UTS2B: variants seen among roughly 807,000 people sequenced by gnomAD.
UTS2B encodes urotensin-2B.
In UTS2B, 21 loss-of-function variants were observed where a neutral mutation model predicts 19.2. That is an observed-to-expected ratio of 1.09 (90% CI 0.78 to 1.58). UTS2B has a LOEUF of 1.58. Among genes scored for constraint, UTS2B ranks in the 40% most tolerant of loss-of-function variants. The probability of loss-of-function intolerance (pLI) is 0.00; values close to 1 mark genes in which losing one functional copy is unlikely to be tolerated. For missense variants in UTS2B, 138 were observed against 130.3 expected (o/e 1.06, Z -0.29); for synonymous variants, 57 against 50.2 (o/e 1.14, Z -0.58).
chr3:191,329,417 T>G, intron 1 of UTS2B: 23 of 396,332 alleles, frequency 5.8e-5, no homozygotes, highest in East Asian at 1.4e-4. Context: ...GGATATTTGG[T>G]ATCGATTGGG....
chr3:191,295,602 G>T (rs895002670), intron 4 of UTS2B, among the ~76,000 whole-genome samples: 2 of 151,754 alleles, frequency 1.3e-5, no homozygotes, highest in East Asian at 1.9e-4. Flanking sequence ...CACCTCTTTT[G>T]TACCACACCT....
At chr3:191,318,009 G>A (rs1308297883) in intron 2 of UTS2B, among the ~76,000 whole-genome samples, 1 of 152,102 alleles carries the variant, frequency 6.6e-6, no homozygotes, top group African/African-American at 2.4e-5. Flanking sequence ...CATTTTATTG[G>A]TTAATTAGTT....
At chr3:191,342,760 A>C in the UTS2B span, among the ~76,000 whole-genome samples, 1 of 152,206 alleles carries the variant, frequency 6.6e-6, no homozygotes, top group Non-Finnish European at 1.5e-5. Context: ...TTCTTTAGGG[A>C]TACATGGAAT....
chr3:191,287,532 C>A (rs1446955358), intron 4 of UTS2B, among the ~76,000 whole-genome samples: 1 of 151,928 alleles, frequency 6.6e-6, no homozygotes, highest in African/African-American at 2.4e-5. Flanking sequence ...GCAGAAAAAA[C>A]ATGATAAAAT....
intron 4 of UTS2B, among the ~76,000 whole-genome samples, chr3:191,285,388 T>C (rs1181618782): frequency 2.0e-5 from 3 of 152,064 alleles, no homozygotes; most frequent in African/African-American, 7.2e-5. Flanking sequence ...TAGAGATAAA[T>C]TTTAATCACA....
chr3:191,308,047 G>C (rs924384207), intron 3 of UTS2B, among the ~76,000 whole-genome samples: 1 of 152,044 alleles, frequency 6.6e-6, no homozygotes, highest in African/African-American at 2.4e-5. Flanking sequence ...AGGTGGCCAG[G>C]CTGGTCTCAA....
chr3:191,309,548 A>AT (rs1717233755), intron 3 of UTS2B, among the ~76,000 whole-genome samples: 1 of 151,880 alleles, frequency 6.6e-6, no homozygotes, highest in African/African-American at 2.4e-5. Context: ...TGGAAGACTG[A>AT]TATGGTTTGG....
At chr3:191,324,476 T>C (rs1717691304) in intron 2 of UTS2B, among the ~76,000 whole-genome samples, 1 of 152,178 alleles carries the variant, frequency 6.6e-6, no homozygotes, top group Non-Finnish European at 1.5e-5. Flanking sequence ...AATTGAATTA[T>C]GGAGGCGGAT....
intron 2 of UTS2B, among the ~76,000 whole-genome samples, chr3:191,317,567 T>TTTGTTGTTGTTGTTGTTG (rs61650426): frequency 4.2e-4 from 63 of 151,438 alleles, no homozygotes; most frequent in South Asian, 2.1e-3. Context: ...TAGGATAGTC[T>TTTGTTGTTGTTGTTGTTG]TTGTTGTTGT....
chr3:191,321,095 G>C (rs1717599738), intron 2 of UTS2B, among the ~76,000 whole-genome samples: 1 of 152,182 alleles, frequency 6.6e-6, no homozygotes, highest in Non-Finnish European at 1.5e-5. Context: ...AGAAGTTTGA[G>C]AACTGGAGTA....
chr3:191,344,695 C>T, the UTS2B span, among the ~76,000 whole-genome samples: 2 of 152,172 alleles, frequency 1.3e-5, no homozygotes, highest in African/African-American at 2.4e-5. Context: ...TCTCCTGCCT[C>T]AGCCTCCTGA....
intron 3 of UTS2B, among the ~76,000 whole-genome samples, chr3:191,315,336 C>G (rs1473786587): frequency 6.6e-6 from 1 of 152,158 alleles, no homozygotes; most frequent in Non-Finnish European, 1.5e-5. Context: ...TAATCAAACC[C>G]AAGGAGGGGG....
chr3:191,297,744 C>T (rs886539545), intron 4 of UTS2B, among the ~76,000 whole-genome samples: 3 of 152,262 alleles, frequency 2.0e-5, no homozygotes, highest in Admixed American at 2.0e-4. Flanking sequence ...AGCATTACAC[C>T]TGGCACATAG....
chr3:191,277,117 T>C (rs977757463), intron 6 of UTS2B, among the ~76,000 whole-genome samples: 24 of 152,156 alleles, frequency 1.6e-4, no homozygotes, highest in African/African-American at 5.5e-4. Flanking sequence ...ACCTATTATT[T>C]AGAAATAAAC....
intron 3 of UTS2B, among the ~76,000 whole-genome samples, chr3:191,307,428 A>G (rs1247079232): frequency 6.6e-6 from 1 of 152,246 alleles, no homozygotes; most frequent in Non-Finnish European, 1.5e-5. Context: ...ACAAAGAAGC[A>G]TAAGAGGAAA....
chr3:191,322,692 AAAT>A (rs888862932), intron 2 of UTS2B, among the ~76,000 whole-genome samples: 35 of 152,330 alleles, frequency 2.3e-4, no homozygotes, highest in Middle Eastern at 3.4e-3. Flanking sequence ...TTAGAGGAAA[AAAT>A]AATGATGCAG....
intron 4 of UTS2B, among the ~76,000 whole-genome samples, chr3:191,299,873 C>T (rs974730150): frequency 1.3e-4 from 20 of 152,226 alleles, no homozygotes; most frequent in Non-Finnish European, 2.4e-4. Context: ...GGTGGAGCTG[C>T]CCAAGACCTT....
the UTS2B span, among the ~76,000 whole-genome samples, chr3:191,345,357 C>T: frequency 6.6e-6 from 1 of 152,130 alleles, no homozygotes. Context: ...TCAGATAAAC[C>T]TTATATGGAA....
At chr3:191,324,465 T>A (rs1717691154) in intron 2 of UTS2B, among the ~76,000 whole-genome samples, 2 of 152,184 alleles carry the variant, frequency 1.3e-5, no homozygotes, top group African/African-American at 4.8e-5. Flanking sequence ...TGGTGGGAGA[T>A]AATTGAATTA....
Sources: gnomAD v4.1 joint callset for allele counts (sites outside exome capture counted in the v4.1 genomes callset) on GRCh38, gnomAD v4.1.1 for gene constraint, MANE v1.5 for transcripts, NCBI Gene and HGNC (gene_info 2026-07-23, HGNC 2026-07-21) for gene names.